TMPRSS15: variants seen among roughly 807,000 people sequenced by gnomAD.
The protein encoded by TMPRSS15 is transmembrane serine protease 15.
TMPRSS15 carries 128 observed loss-of-function variants against 125.3 expected under a neutral mutation model. The observed-to-expected ratio is 1.02, with a 90% CI of 0.89 to 1.18. The LOEUF (loss-of-function observed/expected upper bound fraction) is 1.18, where lower values mean the gene tolerates loss of function less well. TMPRSS15 is among the 50% of genes most tolerant of loss of function. The pLI is 0.00. For missense variants in TMPRSS15, 1,283 were observed against 1,212.7 expected (o/e 1.06, Z -0.86); for synonymous variants, 446 against 423.2 (o/e 1.05, Z -0.66).
chr21:18,345,606 T>C (rs2075497360), intron 10 of TMPRSS15, among the ~76,000 whole-genome samples: 1 of 147,124 alleles, frequency 6.8e-6, no homozygotes, highest in African/African-American at 2.5e-5. Flanking sequence ...CTGGGCGTGG[T>C]GGCGGGCGCC....
intron 10 of TMPRSS15, among the ~76,000 whole-genome samples, chr21:18,346,719 CAG>C (rs2075512852): frequency 6.6e-6 from 1 of 152,220 alleles, no homozygotes; most frequent in Non-Finnish European, 1.5e-5. Context: ...TTACTGAAGA[CAG>C]ACCATCATTG....
At chr21:18,350,501 C>A (rs2075556106) in intron 10 of TMPRSS15, among the ~76,000 whole-genome samples, 1 of 152,128 alleles carries the variant, frequency 6.6e-6, no homozygotes, top group Admixed American at 6.6e-5. Context: ...CTCTTTTCAA[C>A]ACTCTTGCCC....
intron 10 of TMPRSS15, among the ~76,000 whole-genome samples, chr21:18,352,432 T>G (rs1047687851): frequency 6.6e-6 from 1 of 152,078 alleles, no homozygotes; most frequent in African/African-American, 2.4e-5. Flanking sequence ...TGCTAAGGAA[T>G]TCTTTAAAGG....
intron 3 of TMPRSS15, 58 bp from the exon 4 acceptor site, chr21:18,383,836 T>C: frequency 1.3e-6 from 2 of 1,573,006 alleles, no homozygotes; most frequent in African/African-American, 1.3e-5. Context: ...CTGATTTGTG[T>C]TCAATTCATG....
rs1361139098 is a variant in TMPRSS15 at position 18,270,275 on chromosome 21, C to G, written c.2905-151G>C. Reference sequence around the variant, plus strand: ...ATCTGTATATATTCTCACTTTCACTCTAAGTCAGGAATGAGAACCTCAGTA... The same window carrying G: ...ATCTGTATATATTCTCACTTTCACTGTAAGTCAGGAATGAGAACCTCAGTA... On this transcript the variant is annotated intron_variant, in intron 24 of 24. Transcript: ENST00000284885. 1.9e-5 allele frequency: 12 copies of G among 627,764 alleles called. No homozygotes were observed. The East Asian group carries it at 3.3e-4, about 17-fold the overall frequency. The allele number at this position is 627,764 out of a possible 1,614,324, so 38.9% of individuals were successfully genotyped here.
intron 8 of TMPRSS15, among the ~76,000 whole-genome samples, chr21:18,358,069 A>AT (rs576429504): frequency 9.2e-5 from 14 of 151,752 alleles, no homozygotes; most frequent in Non-Finnish European, 2.1e-4. Flanking sequence ...TTCTTATTAT[A>AT]TTTTTATGGC....
At position 18,314,032 on chromosome 21, in the gene TMPRSS15, C is replaced by T. The variant is rs553571108; in HGVS notation, c.2033-955G>A. Among the ~76,000 whole-genome samples the T allele has an allele frequency of 3.3e-4, 51 of 152,240 alleles. 1 individual carries two copies. Among genetic ancestry groups the T allele is most frequent in the South Asian group, 8.3e-4 (4 of 4,832 alleles). ...CAGGTAGGGACTGGACCAAGCTAAG[C>T]GCGTTCATCAAGGGAGGAAAACATC... On this transcript the variant is annotated intron_variant, in intron 17 of 24. Transcript: ENST00000284885.
chr21:18,275,686 C>G (rs1229862543), intron 23 of TMPRSS15, among the ~76,000 whole-genome samples: 3 of 152,166 alleles, frequency 2.0e-5, no homozygotes, highest in Admixed American at 6.5e-5. Flanking sequence ...TGGAAATTAG[C>G]AACAGCTCAG....
chr21:18,306,636 T>G (rs1416352046), intron 18 of TMPRSS15, among the ~76,000 whole-genome samples: 1 of 152,130 alleles, frequency 6.6e-6, no homozygotes, highest in East Asian at 1.9e-4. Context: ...TATTAGTATT[T>G]CCTAAATTCT....
chr21:18,396,198 T>A (rs1039813843), intron 3 of TMPRSS15, among the ~76,000 whole-genome samples: 4 of 152,182 alleles, frequency 2.6e-5, no homozygotes, highest in Non-Finnish European at 5.9e-5. Context: ...AAAAGAGAAG[T>A]TTCCTTTTCC....
In TMPRSS15 at chr21:18,359,798, A is replaced by G. The variant is rs1392490784; in HGVS notation, c.839T>C (p.Leu280Ser). ...TGATCCTACACCTTCATAAATATCT[A>G]ATATATCTGTATAATATGTATTAAA... ...DDFNTYYTDI[L>S]DIYEGVGSSK... The change falls in exon 8 of 25, where the codon TTA becomes TCA. Residue 280 changes from leucine to serine, a missense_variant. By Grantham distance (145) the Leu-to-Ser change is moderately radical. Transcript: ENST00000284885. 2.7e-6 allele frequency: 4 copies of G among 1,500,902 alleles called. No homozygotes were observed. In the East Asian group the frequency reaches 6.8e-5, roughly 26 times the overall value. 93.0% of individuals were successfully genotyped at this position (1,500,902 alleles called of 1,614,324 possible). A position where few individuals can be genotyped will look rare whatever the true frequency, so the allele number is the denominator to read the frequency against.
At chr21:18,484,207 T>C (rs1479126404) in intron 1 of TMPRSS15, among the ~76,000 whole-genome samples, 2 of 151,892 alleles carry the variant, frequency 1.3e-5, no homozygotes, top group Non-Finnish European at 2.9e-5. Context: ...AGTCAGACGA[T>C]GTATGTACAT....
chr21:18,400,120 G>A (rs2076081433), intron 1 of TMPRSS15, among the ~76,000 whole-genome samples: 2 of 152,106 alleles, frequency 1.3e-5, no homozygotes, highest in South Asian at 4.1e-4. Flanking sequence ...TGGATTGGAA[G>A]AATCAATGTT....
chr21:18,324,548 C>T (rs183591348), intron 16 of TMPRSS15, among the ~76,000 whole-genome samples: 72 of 152,202 alleles, frequency 4.7e-4, no homozygotes, highest in African/African-American at 1.7e-3. Context: ...TTTATTGTAA[C>T]GTCACTTGTG....
chr21:18,380,421 A>G (rs2075882462), intron 4 of TMPRSS15: 2 of 385,802 alleles, frequency 5.2e-6, no homozygotes, highest in Non-Finnish European at 1.1e-5. Flanking sequence ...AGCTTCTTAC[A>G]ACTTGATATG....
intron 1 of TMPRSS15, among the ~76,000 whole-genome samples, chr21:18,450,639 G>A (rs992304717): frequency 6.6e-6 from 1 of 152,072 alleles, no homozygotes; most frequent in African/African-American, 2.4e-5. Flanking sequence ...GCAAGGGAAG[G>A]AGTTCAATAC....
intron 10 of TMPRSS15, among the ~76,000 whole-genome samples, chr21:18,350,827 T>A (rs1601375116): frequency 6.6e-6 from 1 of 151,892 alleles, no homozygotes; most frequent in Admixed American, 6.6e-5. Flanking sequence ...AGCAGAAAAT[T>A]TGGTTTATTT....
At chr21:18,346,856 T>C (rs2075514544) in intron 10 of TMPRSS15, among the ~76,000 whole-genome samples, 1 of 152,232 alleles carries the variant, frequency 6.6e-6, no homozygotes, top group Non-Finnish European at 1.5e-5. Flanking sequence ...AGATCTTTTA[T>C]TATCTCTTTA....
intron 23 of TMPRSS15, 40 bp downstream of exon 23, chr21:18,278,924 G>GTTT (rs59972471): frequency 0.015 from 6,764 of 438,300 alleles, 120 homozygotes; most frequent in South Asian, 0.029. Context: ...CACCAGTAAG[G>GTTT]TTTTTTTTTT....
Sources: gnomAD v4.1 joint callset for allele counts (sites outside exome capture counted in the v4.1 genomes callset) on GRCh38, gnomAD v4.1.1 for gene constraint, MANE v1.5 for transcripts, NCBI Gene and HGNC (gene_info 2026-07-23, HGNC 2026-07-21) for gene names.